TMTC1: variants seen among roughly 807,000 people sequenced by gnomAD.
TMTC1 encodes transmembrane O-mannosyltransferase targeting cadherins 1, also known as protein O-mannosyl-transferase TMTC1.
Under a neutral mutation model 104.8 loss-of-function variants are expected in TMTC1, and 73 were observed. The ratio of observed to expected loss-of-function variants is 0.70; its 90% confidence interval spans 0.58 to 0.85. The LOEUF (loss-of-function observed/expected upper bound fraction) is 0.85. Ranked by LOEUF, TMTC1 falls within the 40% of genes least tolerant of loss-of-function variation. TMTC1 has a pLI of 0.00. For missense variants in TMTC1, 1,035 were observed against 1,096.1 expected (o/e 0.94, Z 0.79); for synonymous variants, 434 against 428.7 (o/e 1.01, Z -0.15).
In TMTC1 at chr12:29,776,270, C is replaced by T. The variant is rs146636120; in HGVS notation, c.302+7180G>A. Among the ~76,000 whole-genome samples, 57 of 152,278 alleles carry T rather than the reference C, an allele frequency of 3.7e-4. 1 individual carries two copies. The East Asian group carries it at 0.01, about 27-fold the overall frequency. ...AGTAAGATCCAAAAGCGCTACAGAT[C>T]TTCATTCTCTACACAGAGTTACAGT... On this transcript the variant is annotated intron_variant, in intron 1 of 17. Coordinates refer to ENST00000539277, the MANE Select transcript of TMTC1 (RefSeq NM_001193451.2).
intron 12 of TMTC1, among the ~76,000 whole-genome samples, chr12:29,520,389 C>A (rs1388920132): frequency 2.6e-5 from 4 of 152,108 alleles, no homozygotes; most frequent in Admixed American, 2.6e-4. Context: ...TACTTCCTGT[C>A]CCCTGGGGAG....
chr12:29,572,135 TCCTTGTTCCGA>T lies in TMTC1; in HGVS notation c.1491_1501del (p.Arg498SerfsTer47). 4 of 1,614,008 alleles carry T rather than the reference TCCTTGTTCCGA, an allele frequency of 2.5e-6. No individual in the cohort carries two copies. Among genetic ancestry groups the T allele is most frequent in the Non-Finnish European group, 1.7e-6 (2 of 1,179,880 alleles). ...AGCTGTTCTGTAGTGGTAGATCGCT[TCCTTGTTCCGA>T]CCTTGGTCCTTCAGGAAATTGGCAT... On this transcript the variant is annotated frameshift_variant, in exon 9 of 18. Coordinates refer to ENST00000539277, the MANE Select transcript of TMTC1 (RefSeq NM_001193451.2). LOFTEE classifies it high-confidence loss of function.
chr12:29,577,457 A>T (rs1945855692), intron 8 of TMTC1, among the ~76,000 whole-genome samples: 1 of 152,186 alleles, frequency 6.6e-6, no homozygotes, highest in East Asian at 1.9e-4. Flanking sequence ...GGCATCCAGT[A>T]GCCAAGAAGG....
At chr12:29,697,123 T>C (rs778638475) in intron 5 of TMTC1, among the ~76,000 whole-genome samples, 1 of 152,216 alleles carries the variant, frequency 6.6e-6, no homozygotes, top group Admixed American at 6.5e-5. Context: ...GTTCTCAATA[T>C]GTATTCGTCA....
At chr12:29,516,562 T>C (rs138327155) in intron 14 of TMTC1, 76 bp from the exon 15 acceptor site, 106 of 1,474,622 alleles carry the variant, frequency 7.2e-5, no homozygotes, top group Admixed American at 1.1e-4. Flanking sequence ...AATAGAAGCA[T>C]TCAGAACGCA....
At chr12:29,735,127 A>T (rs1389630121) in intron 5 of TMTC1, among the ~76,000 whole-genome samples, 1 of 152,252 alleles carries the variant, frequency 6.6e-6, no homozygotes, top group African/African-American at 2.4e-5. Context: ...AGCAACACAC[A>T]TTCAGCATAT....
At chr12:29,762,199 A>C (rs1943367002) in intron 2 of TMTC1, among the ~76,000 whole-genome samples, 1 of 152,120 alleles carries the variant, frequency 6.6e-6, no homozygotes, top group Non-Finnish European at 1.5e-5. Flanking sequence ...AAACAAAATA[A>C]GCATGGAGGT....
At chr12:29,774,410 A>T (rs2120595335) in intron 1 of TMTC1, among the ~76,000 whole-genome samples, 1 of 152,354 alleles carries the variant, frequency 6.6e-6, no homozygotes. Flanking sequence ...CTCAGCAGTA[A>T]CACAAAGAAT....
At chr12:29,735,869 A>G (rs1942658878) in intron 5 of TMTC1, among the ~76,000 whole-genome samples, 1 of 152,178 alleles carries the variant, frequency 6.6e-6, no homozygotes, top group Non-Finnish European at 1.5e-5. Context: ...AACAAAAAAG[A>G]CAAATCTCTG....
At chr12:29,613,021 C>T (rs1157052731) in intron 6 of TMTC1, among the ~76,000 whole-genome samples, 1 of 152,192 alleles carries the variant, frequency 6.6e-6, no homozygotes, top group Non-Finnish European at 1.5e-5. Flanking sequence ...TTTAAATCTA[C>T]ACACATTCTT....
intron 5 of TMTC1, among the ~76,000 whole-genome samples, chr12:29,692,962 A>G (rs1941307877): frequency 6.9e-6 from 1 of 145,264 alleles, no homozygotes; most frequent in Non-Finnish European, 1.5e-5. Context: ...AACAGAAAGC[A>G]GATGAGTGAT....
chr12:29,735,393 G>A (rs748333870), intron 5 of TMTC1, among the ~76,000 whole-genome samples: 1 of 152,164 alleles, frequency 6.6e-6, no homozygotes, highest in Non-Finnish European at 1.5e-5. Flanking sequence ...ATGCAGATAA[G>A]AATGGCACCA....
At chr12:29,686,969 T>C (rs1387610533) in intron 5 of TMTC1, among the ~76,000 whole-genome samples, 3 of 150,690 alleles carry the variant, frequency 2.0e-5, no homozygotes, top group Admixed American at 6.7e-5. Context: ...TTAATACATA[T>C]GAGTCTATTT....
intron 5 of TMTC1, among the ~76,000 whole-genome samples, chr12:29,702,724 C>T (rs1055211994): frequency 3.3e-5 from 5 of 152,146 alleles, no homozygotes; most frequent in Non-Finnish European, 4.4e-5. Context: ...CCGGCCACTC[C>T]GTTACTGTAG....
At chr12:29,617,444 A>C (rs1218467116) in intron 6 of TMTC1, among the ~76,000 whole-genome samples, 1 of 152,066 alleles carries the variant, frequency 6.6e-6, no homozygotes, top group Non-Finnish European at 1.5e-5. Flanking sequence ...CAAACACTTA[A>C]AGAATTTAGC....
At chr12:29,681,098 C>CAAA (rs1458419472) in intron 5 of TMTC1, among the ~76,000 whole-genome samples, 1 of 52,092 alleles carries the variant, frequency 1.9e-5, no homozygotes, top group Admixed American at 2.5e-4. Context: ...GACCCTGTCT[C>CAAA]CAAAAAAAAA....
intron 11 of TMTC1, among the ~76,000 whole-genome samples, chr12:29,523,075 AT>A (rs1285554714): frequency 6.6e-6 from 1 of 152,240 alleles, no homozygotes; most frequent in African/African-American, 2.4e-5. Context: ...ATAAACAAAC[AT>A]GACTGGCATA....
chr12:29,754,450 C>T (rs1333318131), intron 4 of TMTC1, among the ~76,000 whole-genome samples: 2 of 152,160 alleles, frequency 1.3e-5, no homozygotes, highest in Non-Finnish European at 2.9e-5. Flanking sequence ...TGAGAGAACG[C>T]ATCTGCAGTC....
intron 7 of TMTC1, among the ~76,000 whole-genome samples, chr12:29,591,806 A>G (rs1324328808): frequency 6.6e-6 from 1 of 152,262 alleles, no homozygotes; most frequent in Non-Finnish European, 1.5e-5. Flanking sequence ...TTAGAATAAC[A>G]AATGTTTTAA....
Sources: gnomAD v4.1 joint callset for allele counts (sites outside exome capture counted in the v4.1 genomes callset) on GRCh38, gnomAD v4.1.1 for gene constraint, MANE v1.5 for transcripts, NCBI Gene and HGNC (gene_info 2026-07-23, HGNC 2026-07-21) for gene names.